The following ITPR1 variants were observed in gnomAD, a reference collection of about 807,000 sequenced individuals.
ITPR1 encodes inositol 1,4,5-trisphosphate receptor type 1.
ITPR1 carries 96 observed loss-of-function variants against 318.4 expected under a neutral mutation model. That is an observed-to-expected ratio of 0.30 (90% CI 0.26 to 0.36). The LOEUF is 0.36. ITPR1 is among the 10% of genes least tolerant of loss of function. The probability of loss-of-function intolerance (pLI) is 1.00; values close to 1 mark genes in which losing one functional copy is unlikely to be tolerated. For synonymous variants in ITPR1, 1,312 were observed against 1,289.9 expected (o/e 1.02, Z -0.37); for missense variants, 2,440 against 3,460.2 (o/e 0.71, Z 7.40).
At chr3:4,745,582 C>T (rs2044045118) in intron 44 of ITPR1, among the ~76,000 whole-genome samples, 1 of 152,316 alleles carries the variant, frequency 6.6e-6, no homozygotes, top group Middle Eastern at 3.4e-3. Context: ...CTTAAAACAT[C>T]TGAAATGTTT....
intron 4 of ITPR1, among the ~76,000 whole-genome samples, chr3:4,543,694 C>T (rs1448934913): frequency 5.3e-5 from 8 of 152,142 alleles, no homozygotes; most frequent in Admixed American, 2.0e-4. Context: ...CTGCCCACCT[C>T]GGCCTCCCAA....
At chr3:4,517,555 C>T (rs573491430) in intron 3 of ITPR1, among the ~76,000 whole-genome samples, 1 of 152,288 alleles carries the variant, frequency 6.6e-6, no homozygotes, top group African/African-American at 2.4e-5. Flanking sequence ...ACTCAGGGAG[C>T]AAATTATTAT....
chr3:4,804,034 G>C (rs1172345579), intron 54 of ITPR1, among the ~76,000 whole-genome samples: 1 of 152,140 alleles, frequency 6.6e-6, no homozygotes, highest in Non-Finnish European at 1.5e-5. Context: ...GCCATGCCTG[G>C]CTAATTTTTT....
chr3:4,796,329 T>C (rs1318657380), intron 53 of ITPR1, among the ~76,000 whole-genome samples: 1 of 151,458 alleles, frequency 6.6e-6, no homozygotes, highest in Non-Finnish European at 1.5e-5. Context: ...TCAGGAAACA[T>C]GAATGCCCGT....
chr3:4,712,620 A>G (rs1417200101), intron 39 of ITPR1, among the ~76,000 whole-genome samples: 1 of 152,242 alleles, frequency 6.6e-6, no homozygotes, highest in Non-Finnish European at 1.5e-5. Flanking sequence ...TGACTTATCA[A>G]AATACCCAGT....
intron 52 of ITPR1, among the ~76,000 whole-genome samples, chr3:4,790,431 C>T (rs2047481095): frequency 6.6e-6 from 1 of 152,200 alleles, no homozygotes; most frequent in Admixed American, 6.5e-5. Flanking sequence ...GTTTTCATTT[C>T]AGTGAAACTT....
At chr3:4,501,185 A>G (rs991379043) in intron 2 of ITPR1, among the ~76,000 whole-genome samples, 1 of 151,384 alleles carries the variant, frequency 6.6e-6, no homozygotes, top group Non-Finnish European at 1.5e-5. Context: ...TTTTAATGAC[A>G]TGCACTAGAA....
intron 42 of ITPR1, among the ~76,000 whole-genome samples, chr3:4,730,918 C>A (rs1318389490): frequency 1.3e-5 from 2 of 152,168 alleles, no homozygotes; most frequent in African/African-American, 4.8e-5. Context: ...TTACGGGTCT[C>A]AGCCCAGCCA....
chr3:4,688,136 A>G (rs1335910177), intron 30 of ITPR1, among the ~76,000 whole-genome samples: 1 of 122,140 alleles, frequency 8.2e-6, no homozygotes, highest in Non-Finnish European at 2.0e-5. Flanking sequence ...CCCTCAAGTG[A>G]TCCACCCAAA....
chr3:4,655,454 C>A (rs537530157), intron 12 of ITPR1, among the ~76,000 whole-genome samples: 7 of 152,102 alleles, frequency 4.6e-5, no homozygotes, highest in Non-Finnish European at 7.4e-5. Flanking sequence ...TGCTGTGTGA[C>A]CTTGGACAAG....
chr3:4,817,506 G>C (rs1033369970), intron 59 of ITPR1: 1 of 152,200 alleles, frequency 6.6e-6, no homozygotes, highest in African/African-American at 2.4e-5. Context: ...CTCAGGCAGT[G>C]AGGAATCCAG....
At chr3:4,572,741 C>T (rs2088161048) in intron 4 of ITPR1, among the ~76,000 whole-genome samples, 1 of 152,172 alleles carries the variant, frequency 6.6e-6, no homozygotes, top group South Asian at 2.1e-4. Flanking sequence ...AGTAAGTCCC[C>T]TTTTCCTGCT....
chr3:4,661,195 C>A, intron 14 of ITPR1, 108 bp downstream of exon 14: 3 of 619,878 alleles, frequency 4.8e-6, no homozygotes, highest in South Asian at 2.3e-5. Context: ...GTTGCTTTGG[C>A]GAGAGTGTGG....
Position 4,691,222 on chromosome 3 carries a change from C to T in ITPR1, c.3907C>T (p.Gln1303Ter). The change falls in exon 32 of 62, where the codon CAG becomes TAG. Residue 1303 changes from glutamine (Q) to a stop codon, truncating the protein, a stop_gained. Coordinates refer to ENST00000649015, the MANE Select transcript of ITPR1 (RefSeq NM_001378452.1). LOFTEE classifies it high-confidence loss of function. The part of the protein sequence containing the change: ...LCSEINERVV[Q>*]HFVHCIETHG... ...CAGTGAGATCAACGAGAGAGTTGTT[C>T]AGCACTTCGTTCACTGCATAGAGAC... 1 of 1,613,054 alleles carries T rather than the reference C, an allele frequency of 6.2e-7. No individual in the cohort carries two copies. Among genetic ancestry groups the T allele is most frequent in the Non-Finnish European group, 8.5e-7 (1 of 1,179,272 alleles).
intron 4 of ITPR1, among the ~76,000 whole-genome samples, chr3:4,546,712 G>GATGATTC (rs992643854): frequency 6.6e-6 from 1 of 150,412 alleles, no homozygotes; most frequent in Non-Finnish European, 1.5e-5. Flanking sequence ...GGTGTAGGGT[G>GATGATTC]ATGATTCAAA....
intron 20 of ITPR1, 38 bp from the exon 21 acceptor site, chr3:4,673,098 C>T (rs1286871654): frequency 6.3e-7 from 1 of 1,584,284 alleles, no homozygotes; most frequent in Admixed American, 1.7e-5. Context: ...TGAATGATTT[C>T]TGGAGCGTGA....
At chr3:4,711,914 C>G (rs1313241467) in intron 39 of ITPR1, 46 bp downstream of exon 39, 11 of 1,016,826 alleles carry the variant, frequency 1.1e-5, no homozygotes, top group Non-Finnish European at 1.4e-5. Context: ...TACTATGAAA[C>G]TGAAGGGAGG....
intron 50 of ITPR1, among the ~76,000 whole-genome samples, chr3:4,783,471 T>C (rs2046967130): frequency 6.6e-6 from 1 of 152,028 alleles, no homozygotes; most frequent in South Asian, 2.1e-4. Flanking sequence ...CCTGCCTCTT[T>C]TCCCTTCCAT....
intron 20 of ITPR1, among the ~76,000 whole-genome samples, chr3:4,672,479 G>A (rs533147316): frequency 3.9e-5 from 6 of 152,252 alleles, no homozygotes; most frequent in African/African-American, 1.4e-4. Flanking sequence ...TGGCTTTCTC[G>A]TTATTTCACA....
Sources: allele counts gnomAD v4.1 joint callset (sites outside exome capture counted in the v4.1 genomes callset), GRCh38; gene constraint gnomAD v4.1.1; transcripts MANE v1.5; gene names NCBI Gene and HGNC (gene_info 2026-07-23, HGNC 2026-07-21).